Variants in ATCAY observed in about 807,000 individuals in gnomAD.
ATCAY encodes the protein caytaxin.
Under a neutral mutation model 47.7 loss-of-function variants are expected in ATCAY, and 22 were observed. The ratio of observed to expected loss-of-function variants is 0.46; its 90% CI spans 0.33 to 0.66. The LOEUF is 0.66. Among genes scored for constraint, ATCAY ranks in the 30% least tolerant of loss-of-function variants. ATCAY has a pLI of 0.02. For synonymous variants in ATCAY, 216 were observed against 207.6 expected, an observed-to-expected ratio of 1.04 and a Z score of -0.35; for missense variants, 452 against 515.0, an observed-to-expected ratio of 0.88 and a Z score of 1.18.
intron 3 of ATCAY, 131 bp from the exon 4 acceptor site, chr19:3,905,303 T>G (rs2038850246): frequency 2.3e-6 from 2 of 864,736 alleles, no homozygotes; most frequent in Admixed American, 2.8e-5. Flanking sequence ...GCCAATGGCA[T>G]GGATACAGAA....
intron 1 of ATCAY, among the ~76,000 whole-genome samples, chr19:3,882,118 T>C (rs955876944): frequency 1.3e-5 from 2 of 152,032 alleles, no homozygotes; most frequent in Non-Finnish European, 2.9e-5. Context: ...ATATCTATGC[T>C]GGGGGGCTGC....
intron 9 of ATCAY, 39 bp downstream of exon 9, chr19:3,913,895 T>C: frequency 1.9e-6 from 3 of 1,559,900 alleles, no homozygotes; most frequent in Non-Finnish European, 2.6e-6. Flanking sequence ...TATTAGTCTG[T>C]TTTCGTGCTG....
At chr19:3,887,691 T>C (rs1048979748) in intron 2 of ATCAY, among the ~76,000 whole-genome samples, 1 of 150,502 alleles carries the variant, frequency 6.6e-6, no homozygotes, top group Non-Finnish European at 1.5e-5. Context: ...TTTCACCATG[T>C]TAGCCAGGAT....
chr19:3,893,382 G>A (rs1434811391), intron 2 of ATCAY, among the ~76,000 whole-genome samples: 11 of 152,034 alleles, frequency 7.2e-5, no homozygotes, highest in African/African-American at 2.7e-4. Context: ...GTTTCACCAT[G>A]TTGGCCAGGC....
At chr19:3,911,884 C>T (rs1331983795) in intron 8 of ATCAY, among the ~76,000 whole-genome samples, 1 of 152,116 alleles carries the variant, frequency 6.6e-6, no homozygotes, top group Non-Finnish European at 1.5e-5. Context: ...ACTCTTTAAA[C>T]ATGCTGTTTT....
intron 12 of ATCAY, among the ~76,000 whole-genome samples, chr19:3,921,908 A>AG (rs1320970419): frequency 6.6e-6 from 1 of 151,306 alleles, no homozygotes; most frequent in African/African-American, 2.4e-5. Context: ...AAAAAAAAAA[A>AG]CAAAAAAACA....
rs1008661167 is a variant in ATCAY at position 3,907,341 on chromosome 19, G to C, written c.359-393G>C. On this transcript the variant is annotated intron_variant, in intron 4 of 12. Coordinates refer to ENST00000450849, the MANE Select transcript of ATCAY (RefSeq NM_033064.5). The surrounding 1 kb of genome is among the most constrained non-coding windows in gnomAD (Gnocchi z 5.1). ...CAACTGTAGTCCCAGGTATCTGGGAGGCTGAGGCAGGAGGACTGCTCTCTG... is the reference window on the plus strand; with the variant it reads ...CAACTGTAGTCCCAGGTATCTGGGACGCTGAGGCAGGAGGACTGCTCTCTG... 6.6e-5 allele frequency among the ~76,000 whole-genome samples: 10 copies of C among 152,148 alleles called. No individual in the cohort carries two copies. Among genetic ancestry groups the C allele is most frequent in the African/African-American group, 2.4e-4 (10 of 41,450 alleles).
At chr19:3,911,962 A>C (rs1382286101) in intron 8 of ATCAY, among the ~76,000 whole-genome samples, 1 of 152,182 alleles carries the variant, frequency 6.6e-6, no homozygotes, top group African/African-American at 2.4e-5. Flanking sequence ...GAATACACTA[A>C]TTATGGATCA....
At chr19:3,888,942 A>C (rs892435813) in intron 2 of ATCAY, among the ~76,000 whole-genome samples, 16 of 152,222 alleles carry the variant, frequency 1.1e-4, no homozygotes, top group African/African-American at 3.9e-4. Flanking sequence ...GTTTCTTTGC[A>C]GCAGGAGGTC....
chr19:3,885,616 G>C, intron 1 of ATCAY, 111 bp from the exon 2 acceptor site: 1 of 599,376 alleles, frequency 1.7e-6, no homozygotes, highest in East Asian at 2.8e-5. Context: ...GGGAGGGGAA[G>C]GGGGAGGGGG....
chr19:3,892,875 T>A (rs1275742468), intron 2 of ATCAY, among the ~76,000 whole-genome samples: 1 of 151,932 alleles, frequency 6.6e-6, no homozygotes, highest in Non-Finnish European at 1.5e-5. Context: ...GCCGCCACAC[T>A]CTAGCCTGAG....
intron 9 of ATCAY, among the ~76,000 whole-genome samples, chr19:3,915,355 T>G (rs1187554926): frequency 1.3e-5 from 2 of 149,272 alleles, no homozygotes; most frequent in Admixed American, 1.3e-4. Context: ...TTTTTTTTTT[T>G]TGTATTTTTA....
intron 2 of ATCAY, among the ~76,000 whole-genome samples, chr19:3,894,210 C>T (rs1159177024): frequency 1.3e-5 from 2 of 151,954 alleles, no homozygotes; most frequent in Non-Finnish European, 2.9e-5. Flanking sequence ...GGTGGCCGGG[C>T]GCGGTGGCTC....
Position 3,907,822 on chromosome 19 carries a change from C to T in ATCAY, c.447C>T (p.Ala149=). The part of the protein sequence containing the change: ...GDGTTEDGSA[A]NGRLWRTVII... ...GCACGACGGAGGACGGCAGCGCCGC[C>T]AACGGGCGCCTGTGGCGGACAGTGA... Residue 149 remains alanine, a synonymous_variant, in exon 5 of 13, where the codon GCC becomes GCT. Coordinates refer to ENST00000450849, the MANE Select transcript of ATCAY (RefSeq NM_033064.5). This position sits in a 1 kb window ranked among gnomAD's most constrained non-coding sequence, Gnocchi z 5.1. 3.1e-6 allele frequency: 5 copies of T among 1,613,994 alleles called. No individual in the cohort carries two copies. Among genetic ancestry groups the T allele is most frequent in the Non-Finnish European group, 4.2e-6 (5 of 1,179,874 alleles).
Position 3,927,881 on chromosome 19 carries a change from G to T in ATCAY, c.*3289G>T, listed in dbSNP as rs1285515650. The T allele has an allele frequency of 6.6e-6, 1 of 152,196 alleles. No homozygotes were observed. The highest frequency in any genetic ancestry group is 1.5e-5 in the Non-Finnish European group (1 of 68,070). 9.4% of individuals were successfully genotyped at this position (152,196 alleles called of 1,614,324 possible). Reference sequence around the variant, plus strand: ...GACCCCTCCTCGTAAAAGGATGTTGGGTTTCCCTCTGGTGACACATGGGAT... The same window carrying T: ...GACCCCTCCTCGTAAAAGGATGTTGTGTTTCCCTCTGGTGACACATGGGAT... On this transcript the variant is annotated 3_prime_UTR_variant, in exon 13 of 13. Transcript: ENST00000450849.
rs557416339 is a variant in ATCAY at position 3,922,596 on chromosome 19, C to G, written c.1106+1798C>G. Among the ~76,000 whole-genome samples the G allele has an allele frequency of 5.3e-5, 8 of 152,298 alleles. No homozygotes were observed. In the East Asian group the frequency reaches 1.5e-3, roughly 29 times the overall value. ...GCCCAACCATATCAGTTAGCATAGA[C>G]TATCTGGCATGACCCACATAGACAC... On this transcript the variant is annotated intron_variant, in intron 12 of 12. Coordinates refer to ENST00000450849, the MANE Select transcript of ATCAY (RefSeq NM_033064.5).
chr19:3,900,642 T>G (rs1367226271), intron 2 of ATCAY, among the ~76,000 whole-genome samples: 7 of 151,686 alleles, frequency 4.6e-5, no homozygotes, highest in African/African-American at 1.7e-4. Flanking sequence ...GTTCAAGCGA[T>G]TCTCCTGCCT....
rs780008027 is a variant in ATCAY, at chr19:3,907,719, G to GC, written c.359-13dup. 5.6e-6 allele frequency: 9 copies of GC among 1,613,490 alleles called. No homozygotes were observed. Among genetic ancestry groups the GC allele is most frequent in the Non-Finnish European group, 7.6e-6 (9 of 1,179,806 alleles). ...GACTCTGGCGTCCATGCGACTCTCC[G>GC]CCACCTGCTTCTAGACGACACCCCC... On this transcript the variant is annotated splice_polypyrimidine_tract_variant and intron_variant, in intron 4 of 12. Transcript: ENST00000450849. This position sits in a 1 kb window ranked among gnomAD's most constrained non-coding sequence, Gnocchi z 5.1.
At chr19:3,912,911 G>A (rs1471203013) in intron 8 of ATCAY, among the ~76,000 whole-genome samples, 1 of 150,040 alleles carries the variant, frequency 6.7e-6, no homozygotes, top group East Asian at 2.0e-4. Flanking sequence ...ATGAAGTGCT[G>A]GTGATGAAAC....
Sources: gnomAD v4.1 joint callset for allele counts (sites outside exome capture counted in the v4.1 genomes callset) on GRCh38, gnomAD v4.1.1 for gene constraint, Gnocchi (gnomAD v3.1) non-coding constraint, MANE v1.5 for transcripts, NCBI Gene and HGNC (gene_info 2026-07-23, HGNC 2026-07-21) for gene names.